The following AUTS2 variants were observed in gnomAD, a reference collection of about 807,000 sequenced individuals.
The protein encoded by AUTS2 is activator of transcription and developmental regulator AUTS2.
In AUTS2, 17 loss-of-function variants were observed where a neutral mutation model predicts 112.4. That is an observed-to-expected ratio of 0.15 (90% confidence interval 0.10 to 0.23). The LOEUF is 0.23. Ranked by LOEUF, AUTS2 falls within the 10% of genes least tolerant of loss-of-function variation. The pLI, the probability that AUTS2 is intolerant of heterozygous loss-of-function variation, is 1.00. For missense variants in AUTS2, 1,510 were observed against 1,701.6 expected (o/e 0.89, Z 1.98); for synonymous variants, 751 against 702.7 (o/e 1.07, Z -1.09).
chr7:70,688,559 G>A (rs1808584358), intron 5 of AUTS2, among the ~76,000 whole-genome samples: 1 of 152,216 alleles, frequency 6.6e-6, no homozygotes, highest in Non-Finnish European at 1.5e-5. Flanking sequence ...CGGGTGCAGT[G>A]ACTCATGCCT....
chr7:69,718,861 A>G (rs113912282), intron 1 of AUTS2, among the ~76,000 whole-genome samples: 93 of 152,320 alleles, frequency 6.1e-4, no homozygotes, highest in African/African-American at 2.1e-3. Flanking sequence ...ATTGTTACCT[A>G]TGAATGTGTC....
intron 5 of AUTS2, among the ~76,000 whole-genome samples, chr7:70,668,970 G>A (rs1266777485): frequency 1.3e-5 from 2 of 152,212 alleles, no homozygotes; most frequent in African/African-American, 2.4e-5. Flanking sequence ...CCTTACAGGC[G>A]AAGAGAGAAA....
At position 70,536,501 on chromosome 7, in the gene AUTS2, G is replaced by A. The variant is rs1319926627; in HGVS notation, c.690+100720G>A. Among the ~76,000 whole-genome samples, 3 of 144,498 alleles carry A rather than the reference G, an allele frequency of 2.1e-5. No homozygotes were observed. The South Asian group carries it at 6.7e-4, about 32-fold the overall frequency. 94.8% of individuals were successfully genotyped at this position (144,498 alleles called of 152,430 possible). ...TGCAGAGTAGGCACACCTCTCTGCA[G>A]AGAACTCCTCTAAGAAACCAGATTC... On this transcript the variant is annotated intron_variant, in intron 5 of 18. Transcript: ENST00000342771.
intron 2 of AUTS2, among the ~76,000 whole-genome samples, chr7:70,104,248 GT>G (rs1562696780): frequency 6.8e-6 from 1 of 147,124 alleles, no homozygotes; most frequent in Admixed American, 6.8e-5. Context: ...GGCATAAGTT[GT>G]TTTTTCTTTT....
Position 70,213,700 on chromosome 7 carries a change from A to G in AUTS2, c.660+79129A>G, listed in dbSNP as rs117753062. On this transcript the variant is annotated intron_variant, in intron 4 of 18. Transcript: ENST00000342771. ...CTAAAACGATGGCTCTTGCTATGGG[A>G]AACAGTTTTATTTGGGTACTCATGT... 7.8e-3 allele frequency among the ~76,000 whole-genome samples: 1,186 copies of G among 152,254 alleles called. 10 individuals are homozygous for G. The highest frequency in any genetic ancestry group is 0.014 in the Non-Finnish European group (921 of 68,018).
At chr7:69,773,745 A>C (rs1185572977) in intron 1 of AUTS2, among the ~76,000 whole-genome samples, 1 of 152,202 alleles carries the variant, frequency 6.6e-6, no homozygotes, top group Non-Finnish European at 1.5e-5. Flanking sequence ...CTTGCTGGGC[A>C]GAACTAGTTA....
intron 5 of AUTS2, among the ~76,000 whole-genome samples, chr7:70,447,607 A>C (rs1407739787): frequency 6.6e-6 from 1 of 152,218 alleles, no homozygotes; most frequent in Non-Finnish European, 1.5e-5. Flanking sequence ...TTTCAAACCC[A>C]GGTCAGTGTG....
At chr7:70,463,022 C>T (rs889315910) in intron 5 of AUTS2, among the ~76,000 whole-genome samples, 8 of 152,030 alleles carry the variant, frequency 5.3e-5, no homozygotes. Context: ...CTCCAACTAC[C>T]TGAGCCTAAA....
intron 4 of AUTS2, among the ~76,000 whole-genome samples, chr7:70,213,190 A>G (rs1383580177): frequency 6.6e-6 from 1 of 152,140 alleles, no homozygotes; most frequent in African/African-American, 2.4e-5. Context: ...AGAAATAGAT[A>G]TCATACAATG....
At chr7:70,113,754 A>G (rs1029472819) in intron 2 of AUTS2, among the ~76,000 whole-genome samples, 2 of 152,188 alleles carry the variant, frequency 1.3e-5, no homozygotes, top group African/African-American at 4.8e-5. Flanking sequence ...TGATGGATTA[A>G]TGACACCTAC....
At chr7:69,985,636 T>G (rs1358127861) in intron 2 of AUTS2, among the ~76,000 whole-genome samples, 2 of 152,202 alleles carry the variant, frequency 1.3e-5, no homozygotes, top group East Asian at 3.8e-4. Flanking sequence ...CTTATCAAAC[T>G]TTCTTCAGTT....
At chr7:70,600,365 C>A (rs1376149943) in intron 5 of AUTS2, among the ~76,000 whole-genome samples, 2 of 152,014 alleles carry the variant, frequency 1.3e-5, no homozygotes, top group African/African-American at 2.4e-5. Flanking sequence ...AACCTCTTAT[C>A]TCCTGGGTCA....
chr7:70,487,403 A>C (rs986531880), intron 5 of AUTS2, among the ~76,000 whole-genome samples: 16 of 152,202 alleles, frequency 1.1e-4, no homozygotes, highest in African/African-American at 3.9e-4. Context: ...GCCAAGACTA[A>C]ATAATGAGCC....
intron 4 of AUTS2, among the ~76,000 whole-genome samples, chr7:70,360,911 C>T (rs1055120296): frequency 1.3e-5 from 2 of 152,210 alleles, no homozygotes; most frequent in African/African-American, 4.8e-5. Flanking sequence ...ATTCCACACA[C>T]AAAAGTCCTC....
At chr7:69,992,409 A>G (rs1563021405) in intron 2 of AUTS2, among the ~76,000 whole-genome samples, 1 of 152,208 alleles carries the variant, frequency 6.6e-6, no homozygotes, top group African/African-American at 2.4e-5. Flanking sequence ...TATATGATTG[A>G]TTGTGCCATT....
intron 1 of AUTS2, among the ~76,000 whole-genome samples, chr7:69,805,629 G>A (rs1790267910): frequency 6.6e-6 from 1 of 152,174 alleles, no homozygotes; most frequent in Non-Finnish European, 1.5e-5. Context: ...GCAAATCTGT[G>A]TACAGAAGGA....
intron 5 of AUTS2, among the ~76,000 whole-genome samples, chr7:70,548,946 A>C (rs899029575): frequency 7.2e-6 from 1 of 138,854 alleles, no homozygotes; most frequent in South Asian, 2.6e-4. Flanking sequence ...AAAAAAAAAA[A>C]GTCTGCTGAG....
chr7:70,087,331 A>G (rs1413020478), intron 2 of AUTS2, among the ~76,000 whole-genome samples: 1 of 150,334 alleles, frequency 6.7e-6, no homozygotes, highest in Admixed American at 6.6e-5. Context: ...AATTATTCGT[A>G]TATATATAGT....
intron 1 of AUTS2, among the ~76,000 whole-genome samples, chr7:69,766,595 G>A (rs532383654): frequency 6.6e-6 from 1 of 152,216 alleles, no homozygotes; most frequent in South Asian, 2.1e-4. Flanking sequence ...TGGTCTCCAC[G>A]CTGCCTTGAG....
Sources: allele counts gnomAD v4.1 joint callset (sites outside exome capture counted in the v4.1 genomes callset), GRCh38; gene constraint gnomAD v4.1.1; transcripts MANE v1.5; gene names NCBI Gene and HGNC (gene_info 2026-07-23, HGNC 2026-07-21).